EP400: variants seen among roughly 807,000 people sequenced by gnomAD.
The protein encoded by EP400 is E1A binding protein p400.
EP400 carries 105 observed loss-of-function variants against 354.1 expected under a neutral mutation model. The observed-to-expected ratio is 0.30, with a 90% CI of 0.25 to 0.35. EP400 has a LOEUF of 0.35. Ranked by LOEUF, EP400 falls within the 10% of genes least tolerant of loss-of-function variation. The pLI is 1.00. For synonymous variants in EP400, 1,646 were observed against 1,716.9 expected (o/e 0.96, Z 1.02); for missense variants, 3,280 against 4,121.0 (o/e 0.80, Z 5.59).
rs1895055032 is a variant in EP400 at position 132,045,306 on chromosome 12, C to T, written c.6785-13C>T. 2 of 1,613,512 alleles carry T rather than the reference C, an allele frequency of 1.2e-6. No homozygotes were observed. Among genetic ancestry groups the T allele is most frequent in the East Asian group, 2.2e-5 (1 of 44,888 alleles). On this transcript the variant is annotated splice_polypyrimidine_tract_variant and intron_variant, in intron 37 of 52. Coordinates refer to ENST00000389561, the MANE Select transcript of EP400 (RefSeq NM_015409.5). Reference sequence around the variant, plus strand: ...TGGTTTACTCTCTTGCTGAAGACTGCCTCTCTGTTCAGCTGCAGGCAGGAA... The same window carrying T: ...TGGTTTACTCTCTTGCTGAAGACTGTCTCTCTGTTCAGCTGCAGGCAGGAA...
Position 132,029,572 on chromosome 12 carries a change from G to T in EP400, c.5382-129G>T. ...TGTGCCAACACCCACATCCCCATGTGACTGGGTTGAGCCCTGCTGTTTCCT... is the reference window on the plus strand; with the variant it reads ...TGTGCCAACACCCACATCCCCATGTTACTGGGTTGAGCCCTGCTGTTTCCT... On this transcript the variant is annotated intron_variant, in intron 27 of 52. Transcript: ENST00000389561. The surrounding 1 kb of genome is among the most constrained non-coding windows in gnomAD (Gnocchi z 4.7). 9.6e-7 allele frequency: 1 copy of T among 1,037,652 alleles called. No homozygotes were observed. Among genetic ancestry groups the T allele is most frequent in the Admixed American group, 2.2e-5 (1 of 45,072 alleles). The allele number at this position is 1,037,652 out of a possible 1,614,324, so 64.3% of individuals were successfully genotyped here.
At chr12:132,046,368 C>T (rs1441871329) in intron 39 of EP400, among the ~76,000 whole-genome samples, 1 of 152,112 alleles carries the variant, frequency 6.6e-6, no homozygotes, top group Non-Finnish European at 1.5e-5. Context: ...TAGACATTTT[C>T]AAGAAGGTTT....
intron 52 of EP400, 26 bp from the exon 53 acceptor site, chr12:132,077,375 T>C: frequency 1.9e-6 from 3 of 1,597,550 alleles, no homozygotes; most frequent in East Asian, 2.2e-5. Context: ...CTGGGCAATG[T>C]GTGTTTTCTG....
rs183305569 is a variant in EP400 at position 132,067,328 on chromosome 12, A to C, written c.8750-34A>C. ...GGCGTGAGCCTCAAGCTCTTTTCCC[A>C]GTGTGCTGACTAAGGGGCTTTTGCT... On this transcript the variant is annotated intron_variant, in intron 49 of 52. Transcript: ENST00000389561. The surrounding 1 kb of genome is among the most constrained non-coding windows in gnomAD (Gnocchi z 5.3). 1.0e-4 allele frequency: 163 copies of C among 1,601,558 alleles called. No homozygotes were observed. The African/African-American group carries it at 1.8e-3, about 18-fold the overall frequency.
chr12:132,043,132 GC>G (rs1291613320), intron 32 of EP400, among the ~76,000 whole-genome samples, 171 bp from the exon 33 acceptor site: 1 of 152,234 alleles, frequency 6.6e-6, no homozygotes, highest in East Asian at 1.9e-4. Flanking sequence ...TTCCCTAAGT[GC>G]CTTATCATTT....
At chr12:132,039,560 C>T (rs1342231112) in intron 32 of EP400, among the ~76,000 whole-genome samples, 1 of 152,216 alleles carries the variant, frequency 6.6e-6, no homozygotes, top group Non-Finnish European at 1.5e-5. Flanking sequence ...AAAAGCCAGT[C>T]TCCTGCCCTG....
intron 12 of EP400, among the ~76,000 whole-genome samples, chr12:131,999,923 A>C (rs1488565797): frequency 1.3e-5 from 2 of 149,752 alleles, no homozygotes; most frequent in East Asian, 3.9e-4. Context: ...TCTTTCTCCT[A>C]ATACTGTGTA....
chr12:132,040,690 T>C (rs12422401), intron 32 of EP400, among the ~76,000 whole-genome samples: 19,147 of 152,140 alleles, frequency 0.13, 1,656 homozygotes, highest in African/African-American at 0.24. Context: ...GAGTAAAGCA[T>C]GTAATTTATT....
intron 41 of EP400, among the ~76,000 whole-genome samples, chr12:132,051,656 G>A (rs1037907349): frequency 6.6e-6 from 1 of 152,206 alleles, no homozygotes; most frequent in Non-Finnish European, 1.5e-5. Flanking sequence ...AGAGCCAGGT[G>A]TACAAGATGG....
Position 131,982,189 on chromosome 12 carries a change from C to T in EP400, c.1640C>T (p.Ala547Val). 1 of 1,613,594 alleles carries T rather than the reference C, an allele frequency of 6.2e-7. No individual in the cohort carries two copies. The highest frequency in any genetic ancestry group is 1.7e-4 in the Middle Eastern group (1 of 6,060). The stretch of plus-strand genomic sequence containing the variant: ...TCCACGGGGCCTCCCGTGCAGAACG[C>T]TGCCAGCTTGCACACCCCACTGCCG... ...DPSTGPPVQN[A>V]ASLHTPLPQL... Residue 547 changes from alanine (A) to valine (V), a missense_variant, in exon 5 of 53, where the codon GCT becomes GTT. Around this residue, in one of 20 missense-constraint regions of EP400, gnomAD observed 800 missense variants for 840.0 expected, o/e 0.95. Coordinates refer to ENST00000389561, the MANE Select transcript of EP400 (RefSeq NM_015409.5).
Position 132,044,718 on chromosome 12 carries a change from G to T in EP400, c.6630+3G>T. 1 of 1,614,212 alleles carries T rather than the reference G, an allele frequency of 6.2e-7. No homozygotes were observed. The highest frequency in any genetic ancestry group is 8.5e-7 in the Non-Finnish European group (1 of 1,180,042). ...ATGGGCAGACAGAAGTCATGCCGGT[G>T]AGTGCTGCCCTCTCCCTTTGTGTCT... On this transcript the variant is annotated splice_donor_region_variant and intron_variant, in intron 36 of 52. Coordinates refer to ENST00000389561, the MANE Select transcript of EP400 (RefSeq NM_015409.5).
intron 45 of EP400, among the ~76,000 whole-genome samples, chr12:132,059,895 C>T (rs1291000197): frequency 4.0e-5 from 6 of 151,670 alleles, no homozygotes; most frequent in East Asian, 1.9e-4. Context: ...TGGTGGCACG[C>T]GTGTGTAGTC....
intron 39 of EP400, among the ~76,000 whole-genome samples, chr12:132,049,413 T>C (rs1895222319): frequency 6.6e-6 from 1 of 152,230 alleles, no homozygotes; most frequent in South Asian, 2.1e-4. Context: ...GCTGTGGCCT[T>C]GCATGTTGGT....
At chr12:131,992,949 G>A (rs1438366092) in intron 11 of EP400, among the ~76,000 whole-genome samples, 1 of 152,160 alleles carries the variant, frequency 6.6e-6, no homozygotes, top group Non-Finnish European at 1.5e-5. Context: ...GCTATGTGTT[G>A]ATTTTTATTT....
chr12:132,012,016 G>A (rs557773965), intron 16 of EP400, among the ~76,000 whole-genome samples: 1 of 152,304 alleles, frequency 6.6e-6, no homozygotes, highest in African/African-American at 2.4e-5. Flanking sequence ...AAAACCCATA[G>A]AACCATTTCC....
In EP400 at chr12:132,021,251, G is replaced by C; in HGVS notation, c.4620G>C (p.Ser1540=). 2 of 1,544,188 alleles carry C rather than the reference G, an allele frequency of 1.3e-6. No individual in the cohort carries two copies. The highest frequency in any genetic ancestry group is 1.7e-6 in the Non-Finnish European group (2 of 1,151,316). ...GQPPPQPQAP[S]HAAGQSALPQ... ...CCCCGCCCCAGCCCCAGGCCCCCTC[G>C]CACGCGGCCGGGCAGAGCGCGCTGC... Residue 1540 remains serine, a synonymous_variant, in exon 23 of 53, where the codon TCG becomes TCC. Coordinates refer to ENST00000389561, the MANE Select transcript of EP400 (RefSeq NM_015409.5).
intron 12 of EP400, among the ~76,000 whole-genome samples, chr12:132,002,941 T>A (rs1210940279): frequency 6.6e-6 from 1 of 152,166 alleles, no homozygotes; most frequent in Non-Finnish European, 1.5e-5. Context: ...TTTTTGAAAG[T>A]TTAATTCTAA....
At chr12:132,019,130 C>T (rs1894037574) in intron 21 of EP400, among the ~76,000 whole-genome samples, 1 of 152,192 alleles carries the variant, frequency 6.6e-6, no homozygotes, top group Non-Finnish European at 1.5e-5. Context: ...AGAGAGCCTG[C>T]AGCCATCAGT....
chr12:132,017,626 G>A lies in EP400; in HGVS notation c.4015G>A (p.Glu1339Lys), dbSNP rs746305967. ...QRICNHPGLV[E>K]PRHPGSSYVA... is the part of the protein sequence containing the mutation. The stretch of plus-strand genomic sequence containing the variant: ...CATCTGCAACCACCCTGGGCTCGTC[G>A]AGCCCCGGCACCCAGGCTCTTCCTA... The change falls in exon 20 of 53, where the codon GAG becomes AAG. Residue 1339 changes from glutamate to lysine, a missense_variant. Around this residue, in one of 20 missense-constraint regions of EP400, gnomAD observed 242 missense variants for 357.9 expected, o/e 0.68. Transcript: ENST00000389561. This position sits in a 1 kb window ranked among gnomAD's most constrained non-coding sequence, Gnocchi z 5.0. 1.1e-5 allele frequency: 18 copies of A among 1,610,716 alleles called. No individual in the cohort carries two copies. Among genetic ancestry groups the A allele is most frequent in the African/African-American group, 6.7e-5 (5 of 74,778 alleles).
Sources: allele counts gnomAD v4.1 joint callset (sites outside exome capture counted in the v4.1 genomes callset), GRCh38; gene constraint gnomAD v4.1.1; regional missense constraint gnomAD v4.1.1; non-coding constraint Gnocchi (gnomAD v3.1); transcripts MANE v1.5; gene names NCBI Gene and HGNC (gene_info 2026-07-23, HGNC 2026-07-21).